CADM2: variants seen among roughly 807,000 people sequenced by gnomAD.
CADM2 encodes immunoglobulin superfamily member 4D.
Under a neutral mutation model 49.8 loss-of-function variants are expected in CADM2, and 12 were observed. The observed-to-expected ratio is 0.24, with a 90% CI of 0.15 to 0.39. The LOEUF is 0.39. CADM2 is among the 10% of genes least tolerant of loss of function. CADM2 has a pLI of 1.00. For synonymous variants in CADM2, 214 were observed against 175.4 expected, an observed-to-expected ratio of 1.22 and a Z score of -1.74; for missense variants, 378 against 492.3, an observed-to-expected ratio of 0.77 and a Z score of 2.20.
chr3:85,354,644 A>AGAGAGAGAGAGAGAGAGAGAGAG (rs1229588216), intron 1 of CADM2, among the ~76,000 whole-genome samples: 2 of 17,754 alleles, frequency 1.1e-4, no homozygotes, highest in Non-Finnish European at 1.6e-4. Flanking sequence ...GAGAGAGAGA[A>AGAGAGAGAGAGAGAGAGAGAGAG]GCCTATTCTG....
intron 8 of CADM2, among the ~76,000 whole-genome samples, chr3:86,055,376 CATAG>C (rs1178723847): frequency 6.8e-6 from 1 of 146,928 alleles, no homozygotes; most frequent in Non-Finnish European, 1.5e-5. Flanking sequence ...CTTTTTGGTT[CATAG>C]ATAGTGTAGT....
chr3:85,906,417 C>T (rs1021578881), intron 5 of CADM2, among the ~76,000 whole-genome samples: 4 of 152,096 alleles, frequency 2.6e-5, no homozygotes, highest in Non-Finnish European at 5.9e-5. Flanking sequence ...TCTTAATAAT[C>T]TTCCATAAAC....
chr3:84,976,574 T>C (rs1016957711), intron 1 of CADM2, among the ~76,000 whole-genome samples: 15 of 151,878 alleles, frequency 9.9e-5, no homozygotes, highest in African/African-American at 3.6e-4. Flanking sequence ...TGGTGATTAC[T>C]TGTCTTAGAA....
intron 1 of CADM2, among the ~76,000 whole-genome samples, chr3:85,403,189 TC>T (rs1233252574): frequency 3.3e-5 from 5 of 152,140 alleles, no homozygotes; most frequent in African/African-American, 1.2e-4. Context: ...AATTTAACTA[TC>T]CCTCTCATGA....
intron 1 of CADM2, among the ~76,000 whole-genome samples, chr3:85,360,840 C>CTATT (rs1468544763): frequency 6.6e-6 from 1 of 152,092 alleles, no homozygotes; most frequent in East Asian, 1.9e-4. Flanking sequence ...CGTTGTGTAT[C>CTATT]TATTGTAGGT....
intron 8 of CADM2, among the ~76,000 whole-genome samples, chr3:86,064,715 AC>A (rs1165366063): frequency 1.3e-5 from 2 of 152,106 alleles, no homozygotes; most frequent in African/African-American, 4.8e-5. Flanking sequence ...ACCACCTCAC[AC>A]CAGTTAGAAT....
At chr3:85,292,113 A>T (rs2043816641) in intron 1 of CADM2, among the ~76,000 whole-genome samples, 1 of 148,856 alleles carries the variant, frequency 6.7e-6, no homozygotes, top group Non-Finnish European at 1.5e-5. Context: ...GCAAATGGAA[A>T]ACAAAAAAAG....
At chr3:86,029,890 G>A (rs1046847881) in intron 8 of CADM2, among the ~76,000 whole-genome samples, 5 of 151,990 alleles carry the variant, frequency 3.3e-5, no homozygotes, top group Non-Finnish European at 5.9e-5. Context: ...GGATAAAATT[G>A]TCAAAGGGAT....
chr3:85,170,260 G>T (rs549291313), intron 1 of CADM2, among the ~76,000 whole-genome samples: 4 of 152,052 alleles, frequency 2.6e-5, no homozygotes, highest in African/African-American at 4.8e-5. Context: ...AAGTTGAGCC[G>T]CAGAAAAGTA....
chr3:85,643,136 C>T (rs2064774738), intron 1 of CADM2, among the ~76,000 whole-genome samples: 2 of 152,108 alleles, frequency 1.3e-5, no homozygotes, highest in Admixed American at 6.6e-5. Context: ...CTGCAAGCTA[C>T]TGTTGACCAT....
chr3:85,085,990 C>T (rs959590386), intron 1 of CADM2, among the ~76,000 whole-genome samples: 2 of 152,116 alleles, frequency 1.3e-5, no homozygotes, highest in African/African-American at 2.4e-5. Context: ...AGAGTCTAGA[C>T]TTGGATTTCA....
intron 1 of CADM2, among the ~76,000 whole-genome samples, chr3:85,538,006 C>T (rs1432638421): frequency 6.6e-6 from 1 of 151,990 alleles, no homozygotes; most frequent in African/African-American, 2.4e-5. Flanking sequence ...ATGTTTATAG[C>T]AAAAGTTTTG....
At chr3:85,367,561 G>A (rs1324956273) in intron 1 of CADM2, among the ~76,000 whole-genome samples, 7 of 151,606 alleles carry the variant, frequency 4.6e-5, no homozygotes, top group Admixed American at 2.0e-4. Flanking sequence ...CAAAATAAGA[G>A]GTCATTAAAT....
intron 1 of CADM2, among the ~76,000 whole-genome samples, chr3:85,208,900 CAGAG>C (rs1233081492): frequency 3.9e-5 from 6 of 152,090 alleles, no homozygotes; most frequent in African/African-American, 1.2e-4. Context: ...TGTTCCCAAT[CAGAG>C]AGAACACTCT....
At chr3:85,369,223 T>C (rs984325955) in intron 1 of CADM2, among the ~76,000 whole-genome samples, 6 of 152,240 alleles carry the variant, frequency 3.9e-5, no homozygotes, top group African/African-American at 1.4e-4. Flanking sequence ...TGGCGAATTG[T>C]ACCACAGTGC....
intron 8 of CADM2, among the ~76,000 whole-genome samples, chr3:85,989,730 T>C (rs1445534915): frequency 6.6e-6 from 1 of 152,004 alleles, no homozygotes; most frequent in African/African-American, 2.4e-5. Flanking sequence ...AGAAAACTAG[T>C]GGCTGGGCGC....
At chr3:85,562,270 G>A (rs4856588) in intron 1 of CADM2, among the ~76,000 whole-genome samples, 77,837 of 151,680 alleles carry the variant, frequency 0.51, 23,028 homozygotes, top group East Asian at 0.85. Context: ...ACCTGAGGTC[G>A]GGAGTTCGAG....
chr3:85,362,592 A>G (rs1389050439), intron 1 of CADM2, among the ~76,000 whole-genome samples: 2 of 152,202 alleles, frequency 1.3e-5, no homozygotes, highest in Admixed American at 6.5e-5. Context: ...ACTGTCCTTG[A>G]TAACTTCTCT....
At chr3:85,406,463 G>T (rs1313834875) in intron 1 of CADM2, among the ~76,000 whole-genome samples, 1 of 151,982 alleles carries the variant, frequency 6.6e-6, no homozygotes, top group African/African-American at 2.4e-5. Context: ...TCTTAACTCT[G>T]GGAAAACTCA....
Sources: gnomAD v4.1 joint callset for allele counts (sites outside exome capture counted in the v4.1 genomes callset) on GRCh38, gnomAD v4.1.1 for gene constraint, MANE v1.5 for transcripts, NCBI Gene and HGNC (gene_info 2026-07-23, HGNC 2026-07-21) for gene names.